The following GALNT2 variants were observed in gnomAD, a reference collection of about 807,000 sequenced individuals.
GALNT2 encodes UDP-GalNAc:polypeptide N-acetylgalactosaminyltransferase 2.
A neutral mutation model predicts 81.4 loss-of-function variants in GALNT2; 31 were observed. The observed-to-expected ratio is 0.38, with a 90% confidence interval of 0.29 to 0.51. The LOEUF (loss-of-function observed/expected upper bound fraction) is 0.51. Ranked by LOEUF, GALNT2 falls within the 20% of genes least tolerant of loss-of-function variation. The pLI is 0.87. For missense variants in GALNT2, 629 were observed against 765.7 expected (o/e 0.82, Z 2.11); for synonymous variants, 303 against 287.4 (o/e 1.05, Z -0.55).
chr1:230,278,533 TGA>T (rs1243016363), intron 15 of GALNT2, among the ~76,000 whole-genome samples: 2 of 152,158 alleles, frequency 1.3e-5, no homozygotes, highest in Non-Finnish European at 2.9e-5. Context: ...GTATGTGGGT[TGA>T]GTTTGGTTGT....
At chr1:230,108,698 A>G (rs1660611975) in intron 1 of GALNT2, among the ~76,000 whole-genome samples, 1 of 152,208 alleles carries the variant, frequency 6.6e-6, no homozygotes, top group African/African-American at 2.4e-5. Flanking sequence ...GAGCACTTAA[A>G]CGTTAGCCTG....
chr1:230,226,987 A>G, intron 3 of GALNT2, among the ~76,000 whole-genome samples: 1 of 152,244 alleles, frequency 6.6e-6, no homozygotes, highest in East Asian at 1.9e-4. Context: ...TCTTTAAAAA[A>G]TATAAATCTC....
chr1:230,100,622 G>A (rs886253160), intron 1 of GALNT2, among the ~76,000 whole-genome samples: 24 of 152,168 alleles, frequency 1.6e-4, no homozygotes, highest in African/African-American at 5.6e-4. Context: ...CACAGCACCC[G>A]GCGTTTTTAT....
chr1:230,071,658 C>G (rs1034414433), intron 1 of GALNT2, among the ~76,000 whole-genome samples: 2 of 152,054 alleles, frequency 1.3e-5, no homozygotes, highest in African/African-American at 2.4e-5. Flanking sequence ...GAGGGGAACA[C>G]CCATACCACT....
intron 3 of GALNT2, among the ~76,000 whole-genome samples, chr1:230,212,287 T>C (rs1664257512): frequency 1.3e-5 from 2 of 152,038 alleles, no homozygotes; most frequent in Admixed American, 6.6e-5. Context: ...TAGGCATGAG[T>C]CTTGGCATGA....
At chr1:230,057,922 G>C (rs926368836), upstream of GALNT2, 1 of 419,786 alleles carries the variant, frequency 2.4e-6, no homozygotes, top group Non-Finnish European at 4.9e-6. Flanking sequence ...GGTAAGTGTC[G>C]TCCGGGGCTA....
intron 6 of GALNT2, among the ~76,000 whole-genome samples, chr1:230,242,265 A>G (rs1665225733): frequency 6.6e-6 from 1 of 152,194 alleles, no homozygotes; most frequent in Non-Finnish European, 1.5e-5. Flanking sequence ...CTCAGAGTTT[A>G]TAATTGTTAC....
intron 8 of GALNT2, among the ~76,000 whole-genome samples, chr1:230,247,553 A>G (rs1157021489): frequency 6.6e-6 from 1 of 152,228 alleles, no homozygotes; most frequent in East Asian, 1.9e-4. Flanking sequence ...GTTTGGGGAC[A>G]TTAAAGAGGA....
At chr1:230,186,204 C>T (rs1663330547) in intron 2 of GALNT2, among the ~76,000 whole-genome samples, 2 of 152,110 alleles carry the variant, frequency 1.3e-5, no homozygotes, top group Admixed American at 6.5e-5. Flanking sequence ...AGTGTTTGCA[C>T]GTTGTGTTCT....
intron 1 of GALNT2, among the ~76,000 whole-genome samples, chr1:230,155,963 C>T (rs1436616566): frequency 6.6e-6 from 1 of 151,684 alleles, no homozygotes; most frequent in Admixed American, 6.6e-5. Flanking sequence ...ACCATGGGAT[C>T]AGTGCTAAGG....
intron 2 of GALNT2, among the ~76,000 whole-genome samples, chr1:230,180,889 T>G (rs1663138176): frequency 6.6e-6 from 1 of 152,226 alleles, no homozygotes; most frequent in South Asian, 2.1e-4. Context: ...CTTGTGATTT[T>G]CACTTCACAT....
chr1:230,229,956 T>G (rs1664821894), intron 3 of GALNT2, among the ~76,000 whole-genome samples: 1 of 152,240 alleles, frequency 6.6e-6, no homozygotes, highest in Non-Finnish European at 1.5e-5. Flanking sequence ...AGGTAAGGGC[T>G]GTAATTATTC....
intron 1 of GALNT2, among the ~76,000 whole-genome samples, chr1:230,150,164 C>T (rs1341201723): frequency 6.6e-6 from 1 of 152,220 alleles, no homozygotes; most frequent in African/African-American, 2.4e-5. Context: ...AAAAGACATG[C>T]ACTGGCTCCG....
intron 1 of GALNT2, among the ~76,000 whole-genome samples, chr1:230,118,467 GC>G (rs1356152640): frequency 6.6e-6 from 1 of 152,190 alleles, no homozygotes; most frequent in Non-Finnish European, 1.5e-5. Context: ...TTTGACCAGG[GC>G]GGTTAGTCAC....
At chr1:230,098,182 CAT>C (rs920577450) in intron 1 of GALNT2, among the ~76,000 whole-genome samples, 2 of 152,082 alleles carry the variant, frequency 1.3e-5, no homozygotes, top group African/African-American at 4.8e-5. Context: ...ACTTAAATAA[CAT>C]GTGGGTTCTC....
rs752824002 is a variant in GALNT2 at position 230,279,891 on chromosome 1, G to T, written c.*433G>T. 9.4e-5 allele frequency: 43 copies of T among 458,928 alleles called. No individual in the cohort carries two copies. The highest frequency in any genetic ancestry group is 6.5e-4 in the South Asian group (42 of 64,580). The allele number at this position is 458,928 out of a possible 1,614,324, so 28.4% of individuals were successfully genotyped here. A position where few individuals can be genotyped will look rare whatever the true frequency, so the allele number is the denominator to read the frequency against. On this transcript the variant is annotated 3_prime_UTR_variant, in exon 16 of 16. Transcript: ENST00000366672. This position sits in a 1 kb window ranked among gnomAD's most constrained non-coding sequence, Gnocchi z 4.6. ...TGAAATCTCCATTTTCAATCCCTTC[G>T]AAATCACGTATGGTTTCCACAAAGC...
intron 3 of GALNT2, among the ~76,000 whole-genome samples, chr1:230,225,951 A>G (rs1247242471): frequency 1.3e-5 from 2 of 152,226 alleles, no homozygotes; most frequent in Non-Finnish European, 2.9e-5. Flanking sequence ...GGGCCTAGGC[A>G]TGTTCATTTT....
At chr1:230,204,836 T>C (rs1022023384) in intron 3 of GALNT2, among the ~76,000 whole-genome samples, 3 of 152,218 alleles carry the variant, frequency 2.0e-5, no homozygotes, top group Admixed American at 1.3e-4. Flanking sequence ...TGTGCTCGGA[T>C]CCTAGCATTT....
chr1:230,139,745 G>C (rs1661669496), intron 1 of GALNT2, among the ~76,000 whole-genome samples: 2 of 152,218 alleles, frequency 1.3e-5, no homozygotes, highest in Non-Finnish European at 2.9e-5. Flanking sequence ...TGGACTAAGG[G>C]GTAAGGAAGG....
Sources: allele counts gnomAD v4.1 joint callset (sites outside exome capture counted in the v4.1 genomes callset), GRCh38; gene constraint gnomAD v4.1.1; non-coding constraint Gnocchi (gnomAD v3.1); transcripts MANE v1.5; gene names NCBI Gene and HGNC (gene_info 2026-07-23, HGNC 2026-07-21).